Variants in MCM6 observed in about 807,000 individuals in gnomAD.
MCM6 encodes the protein DNA replication licensing factor MCM6.
In MCM6, 46 loss-of-function variants were observed where a neutral mutation model predicts 94.3. That is an observed-to-expected ratio of 0.49 (90% CI 0.39 to 0.62). MCM6 has a LOEUF of 0.62. Among genes scored for constraint, MCM6 ranks in the 20% least tolerant of loss-of-function variants. The pLI is 0.00. For synonymous variants in MCM6, 335 were observed against 351.9 expected, an observed-to-expected ratio of 0.95 and a Z score of 0.54; for missense variants, 865 against 1,017.9, an observed-to-expected ratio of 0.85 and a Z score of 2.04.
intron 14 of MCM6, 129 bp from the exon 15 acceptor site, chr2:135,846,521 GT>G: frequency 1.3e-6 from 1 of 751,444 alleles, no homozygotes; most frequent in Non-Finnish European, 2.1e-6. Context: ...ATTATTATTT[GT>G]TTTAGAGACA....
At chr2:135,875,641 GAA>G (rs1361416790) in intron 1 of MCM6, among the ~76,000 whole-genome samples, 1 of 152,142 alleles carries the variant, frequency 6.6e-6, no homozygotes, top group East Asian at 1.9e-4. Context: ...CAGAAAAAAA[GAA>G]GAGTAGAGAA....
At position 135,865,122 on chromosome 2, in the gene MCM6, C is replaced by A; in HGVS notation, c.969G>T (p.Glu323Asp). Residue 323 changes from glutamate to aspartate, a missense_variant, in exon 7 of 17, where the codon GAG becomes GAT. By Grantham distance (45) the Glu-to-Asp change is conservative. Coordinates refer to ENST00000264156, the MANE Select transcript of MCM6 (RefSeq NM_005915.6). The part of the protein sequence containing the change: ...KELRDEEQTA[E>D]SIKNQMTVKE... Reference sequence around the variant, plus strand: ...TCACAGTCATTTGGTTCTTAATGCTCTCAGCTGTCTGTTCCTCATCTCTGA... The same window carrying A: ...TCACAGTCATTTGGTTCTTAATGCTATCAGCTGTCTGTTCCTCATCTCTGA... 6.3e-7 allele frequency: 1 copy of A among 1,575,150 alleles called. No homozygotes were observed. The highest frequency in any genetic ancestry group is 2.3e-5 in the East Asian group (1 of 43,884).
At chr2:135,861,275 A>C (rs140983318) in intron 8 of MCM6, among the ~76,000 whole-genome samples, 97 of 152,296 alleles carry the variant, frequency 6.4e-4, no homozygotes, top group African/African-American at 2.2e-3. Flanking sequence ...CTGTATCTGA[A>C]TTTTAATATT....
rs1247201803 is a variant in MCM6 at position 135,846,496 on chromosome 2, C to T, written c.2054-104G>A. 6 of 922,278 alleles carry T rather than the reference C, an allele frequency of 6.5e-6. No individual in the cohort carries two copies. The African/African-American group carries it at 1.0e-4, about 16-fold the overall frequency. 57.1% of individuals were successfully genotyped at this position (922,278 alleles called of 1,614,324 possible). ...TTACATTTAATACTGATTTTTTTCA[C>T]TTTTAAAAATTATTATTATTATTTG... On this transcript the variant is annotated intron_variant, in intron 14 of 16. Transcript: ENST00000264156.
chr2:135,861,670 T>C (rs1320647261), intron 8 of MCM6, among the ~76,000 whole-genome samples: 1 of 152,216 alleles, frequency 6.6e-6, no homozygotes, highest in African/African-American at 2.4e-5. Context: ...TGGAGTGCAG[T>C]GGCGCAATCT....
chr2:135,875,288 C>T (rs1680274050), intron 1 of MCM6, among the ~76,000 whole-genome samples: 1 of 151,794 alleles, frequency 6.6e-6, no homozygotes, highest in African/African-American at 2.4e-5. Context: ...AGCTTGAACC[C>T]GGGAGACGGA....
intron 12 of MCM6, 90 bp downstream of exon 12, chr2:135,852,697 A>T: frequency 2.1e-6 from 2 of 935,006 alleles, no homozygotes; most frequent in Non-Finnish European, 1.5e-6. Flanking sequence ...GGTAGATGAC[A>T]GGTTCAGTTA....
rs754365764 is a variant in MCM6, at chr2:135,866,611, T to G, written c.733A>C (p.Thr245Pro). Residue 245 changes from threonine to proline, a missense_variant, in exon 5 of 17, where the codon ACA becomes CCA. This residue lies in a region of MCM6 where 404 missense variants were observed against 451.9 expected (regional missense o/e 0.89). Coordinates refer to ENST00000264156, the MANE Select transcript of MCM6 (RefSeq NM_005915.6). The part of the protein sequence containing the change: ...SAQAGDKCDF[T>P]GTLIVVPDVS... ...TCAGGCACAACAATCAGTGTCCCTG[T>G]AAAGTCACACTTGTCACCAGCTTGA... is the stretch of plus-strand genomic sequence containing the variant. 5.0e-6 allele frequency: 8 copies of G among 1,614,164 alleles called. No homozygotes were observed. The highest frequency in any genetic ancestry group is 1.3e-5 in the African/African-American group (1 of 75,052).
In MCM6 at chr2:135,866,242, C is replaced by T. The variant is rs777868882; in HGVS notation, c.817G>A (p.Val273Ile). 5 of 1,614,178 alleles carry T rather than the reference C, an allele frequency of 3.1e-6. No individual in the cohort carries two copies. The highest frequency in any genetic ancestry group is 1.1e-5 in the South Asian group (1 of 91,084). Residue 273 changes from valine (V) to isoleucine (I), a missense_variant, in exon 6 of 17, where the codon GTT becomes ATT. Coordinates refer to ENST00000264156, the MANE Select transcript of MCM6 (RefSeq NM_005915.6). ...RAETNSRVSG[V>I]DGYETEGIRG... is the part of the protein sequence containing the mutation. ...ATGCCTTCTGTCTCATATCCATCAA[C>T]ACCACTGACACGGGAATTAGTTTCT... is the stretch of plus-strand genomic sequence containing the variant.
chr2:135,847,634 G>A (rs1679695515), intron 14 of MCM6, among the ~76,000 whole-genome samples: 1 of 152,176 alleles, frequency 6.6e-6, no homozygotes, highest in Non-Finnish European at 1.5e-5. Flanking sequence ...CACAATCTCA[G>A]CTCACTGCAA....
chr2:135,852,686 A>T, intron 12 of MCM6, 101 bp downstream of exon 12: 1 of 852,630 alleles, frequency 1.2e-6, no homozygotes, highest in Non-Finnish European at 1.6e-6. Flanking sequence ...TTAGGAACTA[A>T]GGTAGATGAC....
intron 13 of MCM6, among the ~76,000 whole-genome samples, chr2:135,849,350 C>G (rs1363391071): frequency 6.6e-6 from 1 of 152,088 alleles, no homozygotes; most frequent in African/African-American, 2.4e-5. Flanking sequence ...AGGTGAGTCC[C>G]TTGATGACCT....
chr2:135,866,363 T>C lies in MCM6; in HGVS notation c.782-86A>G. On this transcript the variant is annotated intron_variant, in intron 5 of 16. Coordinates refer to ENST00000264156, the MANE Select transcript of MCM6 (RefSeq NM_005915.6). ...TGCTCAAATAAATGAAAGCTATAAA[T>C]CCAAAGACTTCACTTAAGCCTTGAA... The C allele has an allele frequency of 2.6e-6, 4 of 1,515,222 alleles. 1 individual carries two copies. The South Asian group carries it at 3.6e-5, about 14-fold the overall frequency. 93.9% of individuals were successfully genotyped at this position (1,515,222 alleles called of 1,614,324 possible).
In MCM6 at chr2:135,851,438, G is replaced by A. The variant is rs1483794848; in HGVS notation, c.1881C>T (p.Leu627=). ...AGTGCATCCGAGCCATAGCTTCAGA[G>A]AGACGAATCATGCTCTCAAGCTGTC... ...TVRQLESMIR[L]SEAMARMHCC... Residue 627 remains leucine, a synonymous_variant, in exon 13 of 17, where the codon CTC becomes CTT. Coordinates refer to ENST00000264156, the MANE Select transcript of MCM6 (RefSeq NM_005915.6). 6.2e-7 allele frequency: 1 copy of A among 1,613,676 alleles called. No homozygotes were observed. The highest frequency in any genetic ancestry group is 1.3e-5 in the African/African-American group (1 of 74,908).
intron 7 of MCM6, 82 bp from the exon 8 acceptor site, chr2:135,862,830 G>T: frequency 6.8e-7 from 1 of 1,464,846 alleles, no homozygotes; most frequent in Non-Finnish European, 9.4e-7. Context: ...GTAAAGGCAT[G>T]TTTACCAACC....
intron 11 of MCM6, among the ~76,000 whole-genome samples, chr2:135,855,018 TG>T (rs1679847538): frequency 6.6e-6 from 1 of 152,000 alleles, no homozygotes; most frequent in Non-Finnish European, 1.5e-5. Flanking sequence ...TAGCCAGGCG[TG>T]GTGGCACACG....
intron 1 of MCM6, among the ~76,000 whole-genome samples, chr2:135,875,644 G>A (rs761478589): frequency 1.3e-5 from 2 of 152,136 alleles, no homozygotes; most frequent in Non-Finnish European, 2.9e-5. Flanking sequence ...AAAAAAAGAA[G>A]AGTAGAGAAA....
intron 6 of MCM6, 104 bp downstream of exon 6, chr2:135,866,028 G>C (rs1680088490): frequency 7.7e-7 from 1 of 1,295,490 alleles, no homozygotes; most frequent in African/African-American, 1.5e-5. Context: ...CTTGAGCCCA[G>C]AAAGTGGAGG....
At chr2:135,856,440 A>T (rs1477165998) in intron 11 of MCM6, among the ~76,000 whole-genome samples, 1 of 152,214 alleles carries the variant, frequency 6.6e-6, no homozygotes, top group Non-Finnish European at 1.5e-5. Context: ...GAGGCTGTTT[A>T]AAAAAATAAA....
Sources: gnomAD v4.1 joint callset for allele counts (sites outside exome capture counted in the v4.1 genomes callset) on GRCh38, gnomAD v4.1.1 for gene constraint, gnomAD v4.1.1 regional missense constraint, MANE v1.5 for transcripts, NCBI Gene and HGNC (gene_info 2026-07-23, HGNC 2026-07-21) for gene names.